Variants in ARMC3 observed in about 807,000 individuals in gnomAD.
ARMC3 encodes armadillo repeat containing 3.
Under a neutral mutation model 90.3 loss-of-function variants are expected in ARMC3, and 74 were observed. The observed-to-expected ratio is 0.82, with a 90% confidence interval of 0.68 to 0.99. The LOEUF (loss-of-function observed/expected upper bound fraction) is 0.99. Among genes scored for constraint, ARMC3 ranks in the 50% least tolerant of loss-of-function variants. The pLI is 0.00. For synonymous variants in ARMC3, 334 were observed against 361.8 expected, an observed-to-expected ratio of 0.92 and a Z score of 0.87; for missense variants, 958 against 1,042.8, an observed-to-expected ratio of 0.92 and a Z score of 1.12.
intron 8 of ARMC3, among the ~76,000 whole-genome samples, chr10:22,975,136 G>T (rs1019618041): frequency 6.6e-6 from 1 of 152,002 alleles, no homozygotes; most frequent in Middle Eastern, 3.2e-3. Flanking sequence ...TTTTTTTAAG[G>T]TATATCCAAT....
chr10:23,013,753 C>G (rs1028124444), intron 16 of ARMC3, among the ~76,000 whole-genome samples: 2 of 152,108 alleles, frequency 1.3e-5, no homozygotes, highest in African/African-American at 2.4e-5. Flanking sequence ...AACTGAAACT[C>G]CTTTGTGAAT....
At chr10:22,950,035 G>GA (rs2131205260) in intron 3 of ARMC3, among the ~76,000 whole-genome samples, 1 of 151,760 alleles carries the variant, frequency 6.6e-6, no homozygotes, top group East Asian at 1.9e-4. Flanking sequence ...TACATATCCA[G>GA]AAAAAAGGTC....
At chr10:22,941,491 G>A (rs1232334906) in intron 2 of ARMC3, among the ~76,000 whole-genome samples, 1 of 152,174 alleles carries the variant, frequency 6.6e-6, no homozygotes, top group African/African-American at 2.4e-5. Context: ...AGATGAGAAT[G>A]TGTCCATTCT....
At chr10:22,941,084 C>T (rs1309220903) in intron 2 of ARMC3, among the ~76,000 whole-genome samples, 3 of 151,970 alleles carry the variant, frequency 2.0e-5, no homozygotes, top group South Asian at 2.1e-4. Flanking sequence ...ATGAAAGAAG[C>T]GTACACAAAG....
intron 16 of ARMC3, among the ~76,000 whole-genome samples, chr10:23,013,150 C>T (rs1434844715): frequency 1.3e-5 from 2 of 152,110 alleles, no homozygotes; most frequent in Non-Finnish European, 2.9e-5. Context: ...CTGCCTGCCT[C>T]GGCCTCCCAA....
intron 8 of ARMC3, among the ~76,000 whole-genome samples, chr10:22,980,107 T>G (rs2131332373): frequency 6.6e-6 from 1 of 152,248 alleles, no homozygotes; most frequent in East Asian, 1.9e-4. Context: ...CTGAAAATAT[T>G]TCTGAAAAAA....
intron 10 of ARMC3, among the ~76,000 whole-genome samples, chr10:22,989,249 A>C (rs1017770368): frequency 2.0e-5 from 3 of 152,202 alleles, no homozygotes; most frequent in Non-Finnish European, 4.4e-5. Flanking sequence ...TTTTAGAGAT[A>C]ATATTCTACT....
At chr10:22,933,149 CT>C (rs1833993017) in intron 2 of ARMC3, among the ~76,000 whole-genome samples, 1 of 152,154 alleles carries the variant, frequency 6.6e-6, no homozygotes, top group Non-Finnish European at 1.5e-5. Context: ...ACAGAAGTGC[CT>C]GTCTTCCCGG....
At chr10:23,009,697 C>T (rs577401199) in intron 16 of ARMC3, among the ~76,000 whole-genome samples, 1 of 152,270 alleles carries the variant, frequency 6.6e-6, no homozygotes, top group South Asian at 2.1e-4. Context: ...TGGGGTTTCA[C>T]CCTGTTGGCC....
intron 3 of ARMC3, chr10:22,955,497 A>T (rs890553143): frequency 7.0e-5 from 15 of 213,380 alleles, no homozygotes; most frequent in African/African-American, 3.2e-4. Flanking sequence ...ATACAGCAGG[A>T]TAAAGAGGGG....
intron 8 of ARMC3, among the ~76,000 whole-genome samples, chr10:22,980,386 G>T (rs993182616): frequency 6.6e-6 from 1 of 152,058 alleles, no homozygotes; most frequent in Non-Finnish European, 1.5e-5. Flanking sequence ...GGAATTATTT[G>T]TAGGTTGTTT....
intron 11 of ARMC3, 83 bp from the exon 12 acceptor site, chr10:23,001,836 A>C: frequency 6.9e-7 from 1 of 1,443,694 alleles, no homozygotes; most frequent in Non-Finnish European, 9.4e-7. Context: ...ACCTTTTAGC[A>C]ATCAAATAAT....
chr10:22,946,449 G>T, intron 3 of ARMC3, 188 bp downstream of exon 3: 1 of 419,504 alleles, frequency 2.4e-6, no homozygotes, highest in Non-Finnish European at 4.3e-6. Context: ...TTAATCTTAA[G>T]GAGTAATTTA....
At chr10:22,994,046 CATT>C (rs1180253949) in intron 10 of ARMC3, among the ~76,000 whole-genome samples, 17 of 152,148 alleles carry the variant, frequency 1.1e-4, no homozygotes, top group Non-Finnish European at 1.3e-4. Context: ...CTGATGTAAA[CATT>C]TATGCCAGAA....
At chr10:22,971,829 C>T (rs1025143476) in intron 8 of ARMC3, among the ~76,000 whole-genome samples, 1 of 152,122 alleles carries the variant, frequency 6.6e-6, no homozygotes, top group African/African-American at 2.4e-5. Context: ...CACAAGAGTT[C>T]CAATTTCTCC....
In ARMC3 at chr10:22,968,398, T is replaced by G. The variant is rs1588858115; in HGVS notation, c.825T>G (p.Gly275=). 1 of 1,613,342 alleles carries G rather than the reference T, an allele frequency of 6.2e-7. No homozygotes were observed. Among genetic ancestry groups the G allele is most frequent in the Non-Finnish European group, 8.5e-7 (1 of 1,179,748 alleles). ...DTMVQIQQTG[G]LKKLLSFAEN... Reference sequence around the variant, plus strand: ...TGGTGCAGATTCAGCAGACAGGGGGTCTTAAAAAGCTCCTGTCATTTGCAG... The same window carrying G: ...TGGTGCAGATTCAGCAGACAGGGGGGCTTAAAAAGCTCCTGTCATTTGCAG... Residue 275 remains glycine, a synonymous_variant, in exon 8 of 19, where the codon GGT becomes GGG. Transcript: ENST00000298032.
intron 10 of ARMC3, among the ~76,000 whole-genome samples, chr10:22,984,001 GT>G (rs1442425489): frequency 6.6e-6 from 1 of 152,174 alleles, no homozygotes; most frequent in African/African-American, 2.4e-5. Context: ...TGCTGCTGGG[GT>G]GGTTGGAATC....
chr10:23,001,374 A>G (rs1449854203), intron 11 of ARMC3, among the ~76,000 whole-genome samples: 2 of 152,204 alleles, frequency 1.3e-5, no homozygotes, highest in African/African-American at 4.8e-5. Context: ...TTCAAAGTGC[A>G]TCACTGCAAC....
At chr10:23,007,944 A>G (rs545260853) in intron 14 of ARMC3, among the ~76,000 whole-genome samples, 1 of 152,244 alleles carries the variant, frequency 6.6e-6, no homozygotes, top group South Asian at 2.1e-4. Context: ...TCTATACAAA[A>G]AATACAAAAA....
Sources: gnomAD v4.1 joint callset for allele counts (sites outside exome capture counted in the v4.1 genomes callset) on GRCh38, gnomAD v4.1.1 for gene constraint, MANE v1.5 for transcripts, NCBI Gene and HGNC (gene_info 2026-07-23, HGNC 2026-07-21) for gene names.